SHOC1: variants seen among roughly 807,000 people sequenced by gnomAD.
The protein encoded by SHOC1 is shortage in chiasmata 1.
In SHOC1, 136 loss-of-function variants were observed where a neutral mutation model predicts 179.2. The observed-to-expected ratio is 0.76, with a 90% CI of 0.66 to 0.87. The LOEUF is 0.87. Among genes scored for constraint, SHOC1 ranks in the 40% least tolerant of loss-of-function variants. The probability of loss-of-function intolerance (pLI) is 0.00; values close to 1 mark genes in which losing one functional copy is unlikely to be tolerated. For synonymous variants in SHOC1, 489 were observed against 586.6 expected (o/e 0.83, Z 2.41); for missense variants, 1,538 against 1,700.8 (o/e 0.90, Z 1.68).
intron 1 of SHOC1, among the ~76,000 whole-genome samples, chr9:111,794,632 T>A (rs1226077289): frequency 6.6e-6 from 1 of 152,052 alleles, no homozygotes; most frequent in Non-Finnish European, 1.5e-5. Flanking sequence ...GGTGCACCTA[T>A]TTTCCCTTAT....
intron 5 of SHOC1, among the ~76,000 whole-genome samples, chr9:111,775,577 T>G (rs927395389): frequency 6.6e-6 from 1 of 152,180 alleles, no homozygotes; most frequent in African/African-American, 2.4e-5. Context: ...CAGGTTGTTT[T>G]GAGGCCCAGC....
intron 5 of SHOC1, among the ~76,000 whole-genome samples, chr9:111,774,251 T>G (rs141289184): frequency 6.6e-5 from 10 of 152,154 alleles, no homozygotes; most frequent in African/African-American, 2.2e-4. Context: ...ATAATAGAAA[T>G]AAATTATAGA....
At chr9:111,754,007 C>T (rs1195958157) in intron 8 of SHOC1, among the ~76,000 whole-genome samples, 1 of 152,106 alleles carries the variant, frequency 6.6e-6, no homozygotes, top group Non-Finnish European at 1.5e-5. Flanking sequence ...ATGCATTGTA[C>T]ACTTTAAATT....
Position 111,791,469 on chromosome 9 carries a change from A to T in SHOC1, c.-36-15T>A. On this transcript the variant is annotated splice_polypyrimidine_tract_variant and intron_variant, in intron 1 of 27. Transcript: ENST00000682961. ...AATTTCAACATCTGGAAATACAAAAATTAAAATTAAACACTGGTAAAATAG... is the reference window on the plus strand; with the variant it reads ...AATTTCAACATCTGGAAATACAAAATTTAAAATTAAACACTGGTAAAATAG... 8.0e-7 allele frequency: 1 copy of T among 1,249,632 alleles called. No homozygotes were observed. The highest frequency in any genetic ancestry group is 1.1e-6 in the Non-Finnish European group (1 of 930,178). The allele number at this position is 1,249,632 out of a possible 1,614,324, so 77.4% of individuals were successfully genotyped here.
chr9:111,738,036 TA>T (rs1202238212), intron 12 of SHOC1: 2 of 422,580 alleles, frequency 4.7e-6, no homozygotes, highest in Admixed American at 8.4e-5. Context: ...GCTAGAAATT[TA>T]AAAACTGAGA....
chr9:111,713,689 C>A (rs931727259), intron 17 of SHOC1, among the ~76,000 whole-genome samples: 4 of 152,094 alleles, frequency 2.6e-5, no homozygotes, highest in African/African-American at 7.2e-5. Context: ...CAGAAAAAGG[C>A]CACAGTTTAT....
intron 1 of SHOC1, among the ~76,000 whole-genome samples, chr9:111,794,111 C>T (rs1028403885): frequency 1.3e-5 from 2 of 151,516 alleles, no homozygotes; most frequent in Admixed American, 1.3e-4. Flanking sequence ...CTCAGCCTCC[C>T]GAAGTGCTGG....
chr9:111,767,838 CCTTTTTGTA>C (rs1406203460), intron 5 of SHOC1, among the ~76,000 whole-genome samples: 1 of 151,678 alleles, frequency 6.6e-6, no homozygotes, highest in Admixed American at 6.6e-5. Flanking sequence ...ATGTATCTTT[CCTTTTTGTA>C]TGTCCTCCTC....
chr9:111,727,357 T>C (rs1324843423), intron 13 of SHOC1, among the ~76,000 whole-genome samples: 1 of 152,206 alleles, frequency 6.6e-6, no homozygotes, highest in East Asian at 1.9e-4. Context: ...TAAGGCCATG[T>C]TGTAGAAAGC....
chr9:111,755,480 T>A (rs1332041956), intron 8 of SHOC1, among the ~76,000 whole-genome samples: 1 of 152,174 alleles, frequency 6.6e-6, no homozygotes, highest in Non-Finnish European at 1.5e-5. Flanking sequence ...ATATCTTTGA[T>A]CATTTTAAAT....
chr9:111,692,571 A>G, intron 26 of SHOC1, 60 bp from the exon 27 acceptor site: 1 of 1,313,936 alleles, frequency 7.6e-7, no homozygotes, highest in Non-Finnish European at 1.0e-6. Context: ...AATGATGCTT[A>G]TCTATATGGA....
chr9:111,759,581 C>T, intron 5 of SHOC1: 1 of 1,082,110 alleles, frequency 9.2e-7, no homozygotes, highest in Non-Finnish European at 1.1e-6. Flanking sequence ...TAAACTTGCC[C>T]CCAATTCTTC....
At chr9:111,703,423 A>T (rs1832079328) in intron 22 of SHOC1, among the ~76,000 whole-genome samples, 1 of 152,162 alleles carries the variant, frequency 6.6e-6, no homozygotes. Context: ...AAAATTCCAA[A>T]CTATATGAAT....
At chr9:111,733,363 A>G (rs1009975180) in intron 12 of SHOC1, among the ~76,000 whole-genome samples, 2 of 152,160 alleles carry the variant, frequency 1.3e-5, no homozygotes, top group African/African-American at 4.8e-5. Flanking sequence ...CCTAAATGTA[A>G]GACAAAAAGG....
chr9:111,712,001 A>C (rs1832574100), intron 18 of SHOC1, among the ~76,000 whole-genome samples: 1 of 152,214 alleles, frequency 6.6e-6, no homozygotes, highest in African/African-American at 2.4e-5. Context: ...AAAGGAGATG[A>C]AACAAAAAAG....
intron 11 of SHOC1, 99 bp from the exon 12 acceptor site, chr9:111,738,621 G>T: frequency 9.6e-7 from 1 of 1,037,856 alleles, no homozygotes; most frequent in Non-Finnish European, 1.3e-6. Context: ...TTTATGAAAT[G>T]CATTTTTATG....
intron 12 of SHOC1, among the ~76,000 whole-genome samples, chr9:111,733,596 G>A (rs528286714): frequency 5.3e-5 from 8 of 152,164 alleles, no homozygotes; most frequent in South Asian, 2.1e-4. Flanking sequence ...GGCTGGGCAC[G>A]GTGGCTCATG....
chr9:111,791,856 GTGGTCT>G (rs1836458318), intron 1 of SHOC1, among the ~76,000 whole-genome samples: 1 of 137,386 alleles, frequency 7.3e-6, no homozygotes, highest in East Asian at 2.2e-4. Flanking sequence ...TATTTCTCAA[GTGGTCT>G]TGAGAATAAC....
chr9:111,760,107 C>T (rs2131575522), intron 5 of SHOC1, among the ~76,000 whole-genome samples: 1 of 152,240 alleles, frequency 6.6e-6, no homozygotes, highest in Middle Eastern at 3.4e-3. Context: ...ATCCTATATC[C>T]ACCTTCTGCT....
Sources: allele counts gnomAD v4.1 joint callset (sites outside exome capture counted in the v4.1 genomes callset), GRCh38; gene constraint gnomAD v4.1.1; transcripts MANE v1.5; gene names NCBI Gene and HGNC (gene_info 2026-07-23, HGNC 2026-07-21).